Variants in UACA observed in about 807,000 individuals in gnomAD.
UACA encodes the protein uveal autoantigen with coiled-coil domains and ankyrin repeats.
In UACA, 112 loss-of-function variants were observed where a neutral mutation model predicts 160.5. The ratio of observed to expected loss-of-function variants is 0.70; its 90% CI spans 0.60 to 0.82. The LOEUF is 0.82. UACA is among the 40% of genes least tolerant of loss of function. The probability of loss-of-function intolerance (pLI) is 0.00; values close to 1 mark genes in which losing one functional copy is unlikely to be tolerated. For synonymous variants in UACA, 557 were observed against 568.4 expected, an observed-to-expected ratio of 0.98 and a Z score of 0.29; for missense variants, 1,574 against 1,614.6, an observed-to-expected ratio of 0.97 and a Z score of 0.43.
At chr15:70,777,279 A>G in the UACA span, among the ~76,000 whole-genome samples, 5 of 152,174 alleles carry the variant, frequency 3.3e-5, no homozygotes, top group African/African-American at 1.2e-4. Context: ...GGTATCAGCC[A>G]TGTTTATTAT....
chr15:70,697,618 T>C (rs1898175730), intron 2 of UACA, among the ~76,000 whole-genome samples: 1 of 152,370 alleles, frequency 6.6e-6, no homozygotes, highest in Admixed American at 6.5e-5. Flanking sequence ...TTGAAACAAA[T>C]TGTTTTTGTA....
upstream of UACA, among the ~76,000 whole-genome samples, chr15:70,766,570 A>G (rs2031013947): frequency 6.6e-6 from 1 of 152,126 alleles, no homozygotes; most frequent in African/African-American, 2.4e-5. Context: ...GAGCAAGTTG[A>G]TCTGCTTACC....
At chr15:70,687,473 G>GTT in intron 7 of UACA, 67 bp downstream of exon 7, 1 of 1,451,440 alleles carries the variant, frequency 6.9e-7, no homozygotes, top group Non-Finnish European at 9.7e-7. Context: ...CAGAGCTGCT[G>GTT]CTTTGACTTG....
At chr15:70,715,953 C>A (rs1898809035) in intron 1 of UACA, among the ~76,000 whole-genome samples, 1 of 152,160 alleles carries the variant, frequency 6.6e-6, no homozygotes, top group Non-Finnish European at 1.5e-5. Context: ...TATAAAGGAA[C>A]TAATTTAAGG....
intron 5 of UACA, among the ~76,000 whole-genome samples, chr15:70,688,854 G>T (rs1183154622): frequency 6.6e-6 from 1 of 152,068 alleles, no homozygotes; most frequent in Non-Finnish European, 1.5e-5. Flanking sequence ...TGGGAAGTAG[G>T]GGCTTTGGAG....
intron 1 of UACA, chr15:70,754,296 T>C (rs2030283118): frequency 2.9e-6 from 1 of 344,678 alleles, no homozygotes; most frequent in African/African-American, 2.2e-5. Flanking sequence ...GCTACATGCA[T>C]TCAGCAGAAA....
rs531350798 is a variant in UACA, at chr15:70,751,448, T to C, written c.78+11882A>G. Among the ~76,000 whole-genome samples, 15 of 152,314 alleles carry C rather than the reference T, an allele frequency of 9.8e-5. No individual in the cohort carries two copies. The South Asian group carries it at 3.1e-3, about 32-fold the overall frequency. On this transcript the variant is annotated intron_variant, in intron 1 of 18. Coordinates refer to ENST00000322954, the MANE Select transcript of UACA (RefSeq NM_018003.4). ...CAATGGCATGACCTCTGGTAAGACT[T>C]TTCAGTTAGCAATATAAACATGTAT...
rs1266700509 is a variant in UACA at position 70,669,131 on chromosome 15, G to A, written c.1553C>T (p.Thr518Ile). 2 of 1,614,052 alleles carry A rather than the reference G, an allele frequency of 1.2e-6. No homozygotes were observed. The highest frequency in any genetic ancestry group is 1.7e-5 in the Admixed American group (1 of 59,992). Residue 518 changes from threonine to isoleucine, a missense_variant, in exon 16 of 19, where the codon ACC becomes ATC. By Grantham distance (89) the Thr-to-Ile change is moderately conservative (BLOSUM62 -1). Transcript: ENST00000322954. ...ESEGKVKQMQ[T>I]HFLALKEHLT... ...GTGTTCTTTAAGGGCAAGAAAATGG[G>A]TCTGCATTTGTTTAACTTTACCTTC...
Position 70,678,005 on chromosome 15 carries a change from A to G in UACA, c.999+94T>C, listed in dbSNP as rs999923611. 8 of 908,346 alleles carry G rather than the reference A, an allele frequency of 8.8e-6. No individual in the cohort carries two copies. In the African/African-American group the frequency reaches 1.3e-4, roughly 15 times the overall value. 56.3% of individuals were successfully genotyped at this position (908,346 alleles called of 1,614,324 possible). On this transcript the variant is annotated intron_variant, in intron 11 of 18. Coordinates refer to ENST00000322954, the MANE Select transcript of UACA (RefSeq NM_018003.4). Reference sequence around the variant, plus strand: ...GTAAGATTTAACTCCTCTGAAGTGCAATGAGCTAATTTTACCTTCTTTAGC... The same window carrying G: ...GTAAGATTTAACTCCTCTGAAGTGCGATGAGCTAATTTTACCTTCTTTAGC...
chr15:70,659,972 C>G, intron 18 of UACA, among the ~76,000 whole-genome samples, 179 bp downstream of exon 18: 1 of 151,980 alleles, frequency 6.6e-6, no homozygotes, highest in South Asian at 2.1e-4. Flanking sequence ...TGCCATATAG[C>G]TTTGTAAATT....
intron 1 of UACA, among the ~76,000 whole-genome samples, chr15:70,735,518 AT>A (rs1012285040): frequency 6.6e-6 from 1 of 152,188 alleles, no homozygotes; most frequent in African/African-American, 2.4e-5. Context: ...ATTAAAAAAA[AT>A]ATCACCACTA....
At position 70,691,376 on chromosome 15, in the gene UACA, TA is replaced by T. The variant is rs759310701; in HGVS notation, c.302-14del. On this transcript the variant is annotated splice_polypyrimidine_tract_variant and intron_variant, in intron 3 of 18. Transcript: ENST00000322954. ...AGAGCATTTCTCCCTATAAATAATT[TA>T]AGATACATGTGAAGGATTATTTTCT... 25 of 1,584,928 alleles carry T rather than the reference TA, an allele frequency of 1.6e-5. No individual in the cohort carries two copies. The highest frequency in any genetic ancestry group is 2.1e-5 in the Non-Finnish European group (24 of 1,158,506).
In UACA at chr15:70,660,086, AT is replaced by A. The variant is rs965618475; in HGVS notation, c.4179+64del. ...ACATCAATTACTTTCACATAAATTT[AT>A]TTGAAAATAAAAAATTATTATCTCT... On this transcript the variant is annotated intron_variant, in intron 18 of 18. Coordinates refer to ENST00000322954, the MANE Select transcript of UACA (RefSeq NM_018003.4). The A allele has an allele frequency of 2.2e-6, 3 of 1,337,376 alleles. No homozygotes were observed. In the African/African-American group the frequency reaches 4.5e-5, roughly 20 times the overall value. The allele number at this position is 1,337,376 out of a possible 1,614,324, so 82.8% of individuals were successfully genotyped here.
At chr15:70,664,602 A>T (rs540438605) in intron 17 of UACA, 60 bp downstream of exon 17, 4 of 1,532,038 alleles carry the variant, frequency 2.6e-6, no homozygotes, top group African/African-American at 1.4e-5. Context: ...TGAGCCTTAC[A>T]AACTAACTAC....
chr15:70,761,220 C>A (rs1309563517), intron 1 of UACA, among the ~76,000 whole-genome samples: 8 of 152,198 alleles, frequency 5.3e-5, no homozygotes, highest in Admixed American at 2.0e-4. Flanking sequence ...GCTAAGCTCT[C>A]TCTGGAGGAA....
intron 1 of UACA, chr15:70,758,156 A>G (rs921849681): frequency 1.3e-5 from 2 of 152,228 alleles, no homozygotes; most frequent in Non-Finnish European, 2.9e-5. Context: ...CTCATTATGC[A>G]CCAAAAGACC....
the UACA span, among the ~76,000 whole-genome samples, chr15:70,769,668 T>C: frequency 6.6e-6 from 1 of 152,148 alleles, no homozygotes; most frequent in Admixed American, 6.6e-5. Flanking sequence ...TAAATCCTGA[T>C]TTTTACATTA....
rs1400927713 is a variant in UACA at position 70,756,154 on chromosome 15, CA to C, written c.78+7175del. ...CAGTATCACAAAAGTGAATAAGCAT[CA>C]TGAACCACCCAGCCGCAATTTTTTT... On this transcript the variant is annotated intron_variant, in intron 1 of 18. Coordinates refer to ENST00000322954, the MANE Select transcript of UACA (RefSeq NM_018003.4). 4.0e-5 allele frequency among the ~76,000 whole-genome samples: 6 copies of C among 150,956 alleles called. No individual in the cohort carries two copies. The East Asian group carries it at 9.7e-4, about 24-fold the overall frequency.
chr15:70,762,159 T>C (rs1450070845), intron 1 of UACA, among the ~76,000 whole-genome samples: 4 of 152,192 alleles, frequency 2.6e-5, no homozygotes, highest in African/African-American at 4.8e-5. Context: ...CTCTCTTTTT[T>C]TGAAATAGGA....
Sources: gnomAD v4.1 joint callset for allele counts (sites outside exome capture counted in the v4.1 genomes callset) on GRCh38, gnomAD v4.1.1 for gene constraint, MANE v1.5 for transcripts, NCBI Gene and HGNC (gene_info 2026-07-23, HGNC 2026-07-21) for gene names.